Variants in ATE1 observed in about 807,000 individuals in gnomAD.
ATE1 encodes arginyl-tRNA--protein transferase 1.
A neutral mutation model predicts 70.5 loss-of-function variants in ATE1; 36 were observed. The ratio of observed to expected loss-of-function variants is 0.51; its 90% CI spans 0.39 to 0.67. ATE1 has a LOEUF of 0.67. ATE1 is among the 30% of genes least tolerant of loss of function. The pLI is 0.00. For synonymous variants in ATE1, 232 were observed against 219.3 expected, an observed-to-expected ratio of 1.06 and a Z score of -0.51; for missense variants, 593 against 629.5, an observed-to-expected ratio of 0.94 and a Z score of 0.62.
intron 10 of ATE1, among the ~76,000 whole-genome samples, chr10:121,800,917 T>C (rs1158468223): frequency 6.6e-6 from 1 of 152,126 alleles, no homozygotes; most frequent in Non-Finnish European, 1.5e-5. Context: ...TGGAATCCCA[T>C]CCACAAAGTA....
intron 10 of ATE1, among the ~76,000 whole-genome samples, chr10:121,792,837 G>A (rs999528267): frequency 3.3e-5 from 5 of 151,804 alleles, no homozygotes; most frequent in South Asian, 4.2e-4. Flanking sequence ...AAAACTTCTG[G>A]GGAAAAAAAA....
chr10:121,889,819 A>G (rs1173290837), intron 7 of ATE1, among the ~76,000 whole-genome samples: 1 of 152,192 alleles, frequency 6.6e-6, no homozygotes, highest in Non-Finnish European at 1.5e-5. Flanking sequence ...TCTCTTAAAA[A>G]AAAAAAAAGT....
At chr10:121,827,131 GGCCTCCTGAGTA>G (rs1564873031) in intron 10 of ATE1, among the ~76,000 whole-genome samples, 1 of 151,402 alleles carries the variant, frequency 6.6e-6, no homozygotes, top group South Asian at 2.1e-4. Flanking sequence ...CTCCTGCCTC[GGCCTCCTGAGTA>G]GCTGGAACTA....
At chr10:121,897,824 C>CA (rs59751617) in intron 7 of ATE1, among the ~76,000 whole-genome samples, 32,381 of 101,518 alleles carry the variant, frequency 0.32, 5,027 homozygotes, top group South Asian at 0.44. Context: ...GACTCCGTCT[C>CA]AAAAAAAAAA....
chr10:121,840,517 T>A (rs915993312), intron 9 of ATE1, among the ~76,000 whole-genome samples: 5 of 151,966 alleles, frequency 3.3e-5, no homozygotes, highest in Non-Finnish European at 5.9e-5. Flanking sequence ...AGAATATAAG[T>A]CATATAACGT....
intron 11 of ATE1, among the ~76,000 whole-genome samples, chr10:121,777,746 T>A (rs1371952321): frequency 6.6e-6 from 1 of 152,226 alleles, no homozygotes; most frequent in African/African-American, 2.4e-5. Flanking sequence ...TGTAAATAAC[T>A]GATTTAGACT....
In ATE1 at chr10:121,836,781, A is replaced by G; in HGVS notation, c.1194T>C (p.Thr398=). The change falls in exon 10 of 12, where the codon ACT becomes ACC. Residue 398 remains threonine (T), a synonymous_variant. Coordinates refer to ENST00000224652, the MANE Select transcript of ATE1 (RefSeq NM_001001976.3). ...CCATATAATAATAGCTGAGTTGAGA[A>G]GTTTTCTCATGAAGCTGCCTAGTAA... ...IAFTRQLHEK[T]SQLSYYYMGF... 1.2e-6 allele frequency: 2 copies of G among 1,604,068 alleles called. No individual in the cohort carries two copies. Among genetic ancestry groups the G allele is most frequent in the Non-Finnish European group, 1.7e-6 (2 of 1,176,556 alleles).
Position 121,790,187 on chromosome 10 carries a change from T to A in ATE1, c.1360A>T (p.Asn454Tyr). The A allele has an allele frequency of 6.2e-7, 1 of 1,614,036 alleles. No homozygotes were observed. The highest frequency in any genetic ancestry group is 8.5e-7 in the Non-Finnish European group (1 of 1,179,938). Residue 454 changes from asparagine (N) to tyrosine (Y), a missense_variant, in exon 11 of 12, where the codon AAC (asparagine) becomes TAC (tyrosine). Around this residue, in one of 3 missense-constraint regions of ATE1, gnomAD observed 90 missense variants for 93.7 expected, o/e 0.96. Transcript: ENST00000224652. Reference protein sequence around the residue: ...SLENSKYCRFNQDPEAVDEDR... With the variant: ...SLENSKYCRFYQDPEAVDEDR... ...AACATACCTGCTTCTGGGTCCTGGT[T>A]GAAACGGCAGTACTTGGAGTTTTCA... is the stretch of plus-strand genomic sequence containing the variant.
chr10:121,874,795 A>G lies in ATE1; in HGVS notation c.943-4757T>C, dbSNP rs181983075. Among the ~76,000 whole-genome samples the G allele has an allele frequency of 7.1e-3, 1,066 of 149,974 alleles. 24 individuals are homozygous for G. Among genetic ancestry groups the G allele is most frequent in the African/African-American group, 0.025 (1,008 of 40,864 alleles). On this transcript the variant is annotated intron_variant, in intron 7 of 11. Transcript: ENST00000224652. ...CCAAGGCAGGTGGATCACGAGGTCA[A>G]GAGATCAAGACCATCCTGGCTAACA...
At chr10:121,825,557 A>T (rs1352737278) in intron 10 of ATE1, among the ~76,000 whole-genome samples, 1 of 152,112 alleles carries the variant, frequency 6.6e-6, no homozygotes, top group Non-Finnish European at 1.5e-5. Flanking sequence ...CAAACGAAAC[A>T]TGTGAAGTCT....
At chr10:121,897,826 A>G in intron 7 of ATE1, among the ~76,000 whole-genome samples, 1 of 110,838 alleles carries the variant, frequency 9.0e-6, no homozygotes, top group South Asian at 2.6e-4. Flanking sequence ...CTCCGTCTCA[A>G]AAAAAAAAAA....
intron 7 of ATE1, among the ~76,000 whole-genome samples, chr10:121,888,096 TATA>T (rs1950461347): frequency 6.6e-6 from 1 of 151,830 alleles, no homozygotes; most frequent in Non-Finnish European, 1.5e-5. Context: ...AAGAAAAAAA[TATA>T]AGAATAATAA....
At chr10:121,804,163 CAT>C (rs960586369) in intron 10 of ATE1, among the ~76,000 whole-genome samples, 2 of 152,144 alleles carry the variant, frequency 1.3e-5, no homozygotes, top group African/African-American at 4.8e-5. Flanking sequence ...TTAACTTAAA[CAT>C]AGTTATTTAC....
chr10:121,820,667 G>C (rs755752091), intron 10 of ATE1, among the ~76,000 whole-genome samples: 6 of 152,212 alleles, frequency 3.9e-5, no homozygotes, highest in Non-Finnish European at 2.9e-5. Flanking sequence ...TCTACAGGAA[G>C]AGAGCAACAG....
chr10:121,927,804 G>A, intron 1 of ATE1, 40 bp downstream of exon 1: 1 of 1,527,066 alleles, frequency 6.5e-7, no homozygotes, highest in Non-Finnish European at 8.8e-7. Flanking sequence ...CCGAGACCCG[G>A]GCGCCCGGCT....
At chr10:121,777,225 A>G (rs1461124230) in intron 11 of ATE1, among the ~76,000 whole-genome samples, 1 of 152,240 alleles carries the variant, frequency 6.6e-6, no homozygotes, top group Non-Finnish European at 1.5e-5. Flanking sequence ...AAACACTAAA[A>G]TATTCAGCGT....
At chr10:121,906,924 C>T (rs774085818) in intron 5 of ATE1, among the ~76,000 whole-genome samples, 15 of 151,896 alleles carry the variant, frequency 9.9e-5, no homozygotes, top group Non-Finnish European at 1.8e-4. Flanking sequence ...TAAATAGTCT[C>T]GGATTTTTAG....
chr10:121,823,582 C>T (rs1258810457), intron 10 of ATE1, among the ~76,000 whole-genome samples: 2 of 152,182 alleles, frequency 1.3e-5, no homozygotes, highest in Non-Finnish European at 2.9e-5. Context: ...AGAGCATGGG[C>T]TATGCAAGAG....
chr10:121,804,586 G>A (rs1947019997), intron 10 of ATE1, among the ~76,000 whole-genome samples: 1 of 152,168 alleles, frequency 6.6e-6, no homozygotes, highest in African/African-American at 2.4e-5. Flanking sequence ...ATACTTTTGG[G>A]CGTAAATGTT....
Sources: gnomAD v4.1 joint callset for allele counts (sites outside exome capture counted in the v4.1 genomes callset) on GRCh38, gnomAD v4.1.1 for gene constraint, gnomAD v4.1.1 regional missense constraint, MANE v1.5 for transcripts, NCBI Gene and HGNC (gene_info 2026-07-23, HGNC 2026-07-21) for gene names.